The following ATXN1 variants were observed in gnomAD, a reference collection of about 807,000 sequenced individuals.
The protein encoded by ATXN1 is ataxin 1.
In ATXN1, 8 loss-of-function variants were observed where a neutral mutation model predicts 56.4. The observed-to-expected ratio is 0.14, with a 90% confidence interval of 0.08 to 0.26. The LOEUF (loss-of-function observed/expected upper bound fraction) is 0.26. Among genes scored for constraint, ATXN1 ranks in the 10% least tolerant of loss-of-function variants. ATXN1 has a pLI of 1.00. For missense variants in ATXN1, 987 were observed against 1,106.5 expected (o/e 0.89, Z 1.53); for synonymous variants, 514 against 494.6 (o/e 1.04, Z -0.52).
chr6:16,577,031 TACCGTGCTTC>T (rs1762434796), intron 4 of ATXN1, among the ~76,000 whole-genome samples: 1 of 152,192 alleles, frequency 6.6e-6, no homozygotes, highest in South Asian at 2.1e-4. Flanking sequence ...AGTAAAGATT[TACCGTGCTTC>T]ACTGTCTCCG....
At chr6:16,461,085 G>A (rs1306700517) in intron 6 of ATXN1, among the ~76,000 whole-genome samples, 2 of 152,174 alleles carry the variant, frequency 1.3e-5, no homozygotes, top group Admixed American at 1.3e-4. Context: ...AAAAGGTGAA[G>A]GAGAAAAGGC....
chr6:16,560,521 G>A (rs149967337), intron 4 of ATXN1, among the ~76,000 whole-genome samples: 17 of 152,092 alleles, frequency 1.1e-4, no homozygotes, highest in African/African-American at 3.9e-4. Context: ...TGTTCTAAAG[G>A]GGGCAGGGGT....
chr6:16,384,171 C>G (rs1030530643), intron 6 of ATXN1, among the ~76,000 whole-genome samples: 4 of 152,222 alleles, frequency 2.6e-5, no homozygotes, highest in African/African-American at 9.6e-5. Flanking sequence ...AGAGCTTCAT[C>G]TGTTTTCTCT....
At position 16,465,475 on chromosome 6, in the gene ATXN1, A is replaced by C. The variant is rs560371375; in HGVS notation, c.-161+20497T>G. Among the ~76,000 whole-genome samples, 7 of 152,248 alleles carry C rather than the reference A, an allele frequency of 4.6e-5. 1 individual carries two copies. In the East Asian group the frequency reaches 1.4e-3, roughly 29 times the overall value. The stretch of plus-strand genomic sequence containing the variant: ...TCCATTTCCAAAAACAAAACAAAAC[A>C]AAACAAAAAATCAGGGAAGGTGCCA... On this transcript the variant is annotated intron_variant, in intron 6 of 7. Coordinates refer to ENST00000436367, the MANE Select transcript of ATXN1 (RefSeq NM_001128164.2).
intron 2 of ATXN1, among the ~76,000 whole-genome samples, chr6:16,698,536 G>A (rs966859286): frequency 2.0e-5 from 3 of 151,610 alleles, no homozygotes; most frequent in Non-Finnish European, 4.4e-5. Flanking sequence ...CACAGTGTAT[G>A]GTTTAAGAAG....
intron 5 of ATXN1, among the ~76,000 whole-genome samples, chr6:16,521,124 TA>T (rs1286224640): frequency 2.0e-5 from 3 of 152,008 alleles, no homozygotes; most frequent in African/African-American, 4.8e-5. Flanking sequence ...CTAGGATGTC[TA>T]AAAAAACAAA....
chr6:16,575,768 C>T (rs1371505872), intron 4 of ATXN1, among the ~76,000 whole-genome samples: 1 of 152,182 alleles, frequency 6.6e-6, no homozygotes, highest in African/African-American at 2.4e-5. Flanking sequence ...TAGGCAAGTA[C>T]AGCAATGGCC....
intron 2 of ATXN1, among the ~76,000 whole-genome samples, chr6:16,728,911 T>G (rs1759908543): frequency 6.6e-6 from 1 of 152,182 alleles, no homozygotes; most frequent in East Asian, 1.9e-4. Context: ...CTTCCCATTC[T>G]CCTTCTATTT....
At chr6:16,673,086 A>C (rs947097692) in intron 2 of ATXN1, among the ~76,000 whole-genome samples, 3 of 151,962 alleles carry the variant, frequency 2.0e-5, no homozygotes, top group African/African-American at 7.3e-5. Flanking sequence ...ATTATTCTCT[A>C]GAGTCCCTAC....
chr6:16,647,031 G>T (rs1272830250), intron 3 of ATXN1, among the ~76,000 whole-genome samples: 1 of 152,026 alleles, frequency 6.6e-6, no homozygotes, highest in Non-Finnish European at 1.5e-5. Flanking sequence ...TTGAGAAGAA[G>T]TCTCGCTCTG....
intron 6 of ATXN1, among the ~76,000 whole-genome samples, chr6:16,368,355 T>C (rs1404727152): frequency 2.4e-5 from 3 of 124,502 alleles, no homozygotes; most frequent in African/African-American, 1.5e-4. Flanking sequence ...TTTTTTTTTT[T>C]TTTTTTTTTT....
chr6:16,447,167 A>C (rs892814011), intron 6 of ATXN1, among the ~76,000 whole-genome samples: 4 of 152,222 alleles, frequency 2.6e-5, no homozygotes, highest in Non-Finnish European at 4.4e-5. Context: ...GATGACAGAC[A>C]ATCAGAAACA....
Position 16,327,689 on chromosome 6 carries a change from G to C in ATXN1, c.622C>G (p.Gln208Glu). ...QQQQQQQQQQ[Q>E]HQHQQQQQQQ... ...TGCTGCTGCTGCTGATGCTGATGCTGCTGCTGCTGCTGCTGCTGCTGCTGC... is the reference window on the plus strand; with the variant it reads ...TGCTGCTGCTGCTGATGCTGATGCTCCTGCTGCTGCTGCTGCTGCTGCTGC... Residue 208 changes from glutamine to glutamate, a missense_variant, in exon 7 of 8, where the codon CAG becomes GAG. Physicochemically the swap from Gln to Glu is conservative, Grantham distance 29. Transcript: ENST00000436367. 1 of 1,506,144 alleles carries C rather than the reference G, an allele frequency of 6.6e-7. No individual in the cohort carries two copies. The highest frequency in any genetic ancestry group is 8.8e-7 in the Non-Finnish European group (1 of 1,133,464). 93.3% of individuals were successfully genotyped at this position (1,506,144 alleles called of 1,614,324 possible).
At chr6:16,687,657 T>TACACACACACAC (rs57034032) in intron 2 of ATXN1, among the ~76,000 whole-genome samples, 9,307 of 143,240 alleles carry the variant, frequency 0.065, 552 homozygotes, top group African/African-American at 0.14. Context: ...AAAGAAGAAA[T>TACACACACACAC]ACACACACAC....
chr6:16,339,878 G>A (rs1761206277), intron 6 of ATXN1, among the ~76,000 whole-genome samples: 2 of 152,172 alleles, frequency 1.3e-5, no homozygotes, highest in South Asian at 2.1e-4. Flanking sequence ...TGCCTCCTGG[G>A]TTCAAGCGAT....
At chr6:16,634,376 C>T (rs1308259661) in intron 3 of ATXN1, among the ~76,000 whole-genome samples, 1 of 152,070 alleles carries the variant, frequency 6.6e-6, no homozygotes, top group Non-Finnish European at 1.5e-5. Context: ...GATAATACTC[C>T]CTACCTCATA....
chr6:16,531,611 G>A (rs535512384), intron 4 of ATXN1, among the ~76,000 whole-genome samples: 212 of 137,032 alleles, frequency 1.5e-3, no homozygotes, highest in African/African-American at 5.1e-3. Flanking sequence ...AAACAAGAGC[G>A]AAACTGTGTC....
Position 16,327,636 on chromosome 6 carries a change from C to T in ATXN1, c.675G>A (p.Gln225=), listed in dbSNP as rs192671844. The part of the protein sequence containing the change: ...QQQQQQQQQQ[Q]HLSRAPGLIT... Reference sequence around the variant, plus strand: ...TGAGCCCCGGAGCCCTGCTGAGGTGCTGCTGCTGCTGCTGCTGCTGCTGCT... The same window carrying T: ...TGAGCCCCGGAGCCCTGCTGAGGTGTTGCTGCTGCTGCTGCTGCTGCTGCT... Residue 225 remains glutamine, a synonymous_variant, in exon 7 of 8, where the codon CAG becomes CAA. Transcript: ENST00000436367. 1.8e-6 allele frequency: 2 copies of T among 1,086,160 alleles called. No individual in the cohort carries two copies. The highest frequency in any genetic ancestry group is 6.8e-5 in the East Asian group (1 of 14,682). The allele number at this position is 1,086,160 out of a possible 1,614,324, so 67.3% of individuals were successfully genotyped here. A position where few individuals can be genotyped will look rare whatever the true frequency, so the allele number is the denominator to read the frequency against.
intron 2 of ATXN1, among the ~76,000 whole-genome samples, chr6:16,745,960 G>C (rs1295615420): frequency 6.7e-6 from 1 of 150,242 alleles, no homozygotes; most frequent in African/African-American, 2.4e-5. Context: ...GTGTGTGTGT[G>C]TGTGTGTGTG....
Sources: allele counts gnomAD v4.1 joint callset (sites outside exome capture counted in the v4.1 genomes callset), GRCh38; gene constraint gnomAD v4.1.1; transcripts MANE v1.5; gene names NCBI Gene and HGNC (gene_info 2026-07-23, HGNC 2026-07-21).